The following CPAP variants were observed in gnomAD, a reference collection of about 807,000 sequenced individuals.
CPAP encodes the protein centrosome assembly and centriole elongation protein.
chr13:24,892,094 TC>T, the CPAP span, among the ~76,000 whole-genome samples: 1 of 152,324 alleles, frequency 6.6e-6, no homozygotes, highest in African/African-American at 2.4e-5. Flanking sequence ...AATGTAAGCT[TC>T]ATAAGGGCAA....
the CPAP span, among the ~76,000 whole-genome samples, chr13:24,890,363 C>T: frequency 6.6e-6 from 1 of 152,110 alleles, no homozygotes; most frequent in Non-Finnish European, 1.5e-5. Flanking sequence ...TCATTACGCT[C>T]CTGTCTTTGC....
the CPAP span, among the ~76,000 whole-genome samples, chr13:24,913,838 G>A: frequency 3.9e-5 from 6 of 152,360 alleles, no homozygotes; most frequent in Middle Eastern, 3.4e-3. Flanking sequence ...TGAATTATCA[G>A]ACTTTAAAAT....
chr13:24,912,108 A>G, the CPAP span: 1 of 1,575,238 alleles, frequency 6.3e-7, no homozygotes, highest in Non-Finnish European at 8.7e-7. Context: ...AATCAACTTT[A>G]CAATTCTTCA....
At chr13:24,926,410 C>T in the CPAP span, among the ~76,000 whole-genome samples, 1 of 152,028 alleles carries the variant, frequency 6.6e-6, no homozygotes, top group Non-Finnish European at 1.5e-5. Context: ...GAAGAAGGCA[C>T]GTTAGACCAA....
chr13:24,920,700 A>C, the CPAP span, among the ~76,000 whole-genome samples: 2 of 147,094 alleles, frequency 1.4e-5, no homozygotes, highest in African/African-American at 5.1e-5. Flanking sequence ...GGCTCACTGC[A>C]ACCTCAGCCT....
At chr13:24,906,285 C>T in the CPAP span, 2 of 1,601,978 alleles carry the variant, frequency 1.2e-6, no homozygotes, top group Non-Finnish European at 8.5e-7. Flanking sequence ...ATTTCATCAG[C>T]AGCTTGTTCT....
chr13:24,900,477 C>T, the CPAP span, among the ~76,000 whole-genome samples: 18 of 152,206 alleles, frequency 1.2e-4, 1 homozygote, highest in East Asian at 9.7e-4. Context: ...GGAGAAATCC[C>T]GTCTTTACTG....
At chr13:24,901,377 G>A in the CPAP span, among the ~76,000 whole-genome samples, 1 of 152,272 alleles carries the variant, frequency 6.6e-6, no homozygotes, top group East Asian at 1.9e-4. Context: ...GTGAAAGATG[G>A]CATAATTATC....
the CPAP span, among the ~76,000 whole-genome samples, chr13:24,924,103 A>G: frequency 3.3e-5 from 5 of 152,016 alleles, no homozygotes; most frequent in Non-Finnish European, 7.4e-5. Context: ...AAAGTGCTGG[A>G]ATTACAGGCG....
the CPAP span, chr13:24,899,462 G>T: frequency 6.2e-7 from 1 of 1,613,606 alleles, no homozygotes; most frequent in Non-Finnish European, 8.5e-7. Context: ...AGTTCTTGCA[G>T]CTGTAGTATA....
At chr13:24,898,935 T>C in the CPAP span, among the ~76,000 whole-genome samples, 1 of 152,238 alleles carries the variant, frequency 6.6e-6, no homozygotes, top group African/African-American at 2.4e-5. Context: ...CGTAAATAAA[T>C]TCACCTATTT....
chr13:24,903,895 ATT>A, the CPAP span: 1 of 1,612,252 alleles, frequency 6.2e-7, no homozygotes, highest in Non-Finnish European at 8.5e-7. Flanking sequence ...GTCACTGCAT[ATT>A]TTTTCCCAAC....
At chr13:24,923,844 T>C in the CPAP span, among the ~76,000 whole-genome samples, 452 of 152,296 alleles carry the variant, frequency 3.0e-3, 1 homozygote, top group African/African-American at 9.6e-3. Flanking sequence ...ATTTTTATTT[T>C]TTGAGATGGA....
At chr13:24,883,411 A>G in the CPAP span, 1 of 1,440,396 alleles carries the variant, frequency 6.9e-7, no homozygotes, top group South Asian at 1.3e-5. Context: ...AAAAAAAAAT[A>G]ATAGAAAATA....
chr13:24,912,278 G>GA, the CPAP span, among the ~76,000 whole-genome samples: 2 of 151,948 alleles, frequency 1.3e-5, no homozygotes, highest in East Asian at 3.9e-4. Flanking sequence ...CTAAGAAACC[G>GA]AAACAGTCAT....
chr13:24,905,850 C>G, the CPAP span: 22 of 1,614,130 alleles, frequency 1.4e-5, no homozygotes, highest in Non-Finnish European at 1.9e-5. Context: ...TGTGGGCTAT[C>G]CTCTCTGCTG....
chr13:24,910,024 C>T, the CPAP span: 1 of 1,613,960 alleles, frequency 6.2e-7, no homozygotes, highest in Non-Finnish European at 8.5e-7. Context: ...GCTCTCTCTC[C>T]AGTGGTGGTA....
chr13:24,884,370 T>TGAC, the CPAP span: 1 of 1,614,160 alleles, frequency 6.2e-7, no homozygotes, highest in Non-Finnish European at 8.5e-7. Context: ...TTAAAGAAAG[T>TGAC]GACAGTGATG....
the CPAP span, among the ~76,000 whole-genome samples, chr13:24,923,917 C>T: frequency 2.6e-5 from 4 of 152,206 alleles, no homozygotes; most frequent in Admixed American, 6.5e-5. Flanking sequence ...CAAGCTCTGC[C>T]TGCCGGGTTC....
Sources: allele counts gnomAD v4.1 joint callset (sites outside exome capture counted in the v4.1 genomes callset), GRCh38; gene constraint gnomAD v4.1.1; transcripts MANE v1.5; gene names NCBI Gene and HGNC (gene_info 2026-07-23, HGNC 2026-07-21).